HERC2: variants seen among roughly 807,000 people sequenced by gnomAD.
HERC2 encodes E3 ubiquitin-protein ligase HERC2.
In HERC2, 102 loss-of-function variants were observed where a neutral mutation model predicts 537.7. That is an observed-to-expected ratio of 0.19 (90% CI 0.16 to 0.22). HERC2 has a LOEUF of 0.22. Among genes scored for constraint, HERC2 ranks in the 10% least tolerant of loss-of-function variants. The pLI, the probability that HERC2 is intolerant of heterozygous loss-of-function variation, is 1.00. For missense variants in HERC2, 4,236 were observed against 6,198.2 expected (o/e 0.68, Z 10.63); for synonymous variants, 2,224 against 2,466.2 (o/e 0.90, Z 2.91).
rs531068689 is a variant in HERC2 at position 28,137,124 on chromosome 15, A to AG, written c.12016-1433_12016-1432insC. 3.5e-3 allele frequency among the ~76,000 whole-genome samples: 531 copies of AG among 152,256 alleles called. 2 individuals are homozygous for AG. The highest frequency in any genetic ancestry group is 0.012 in the African/African-American group (504 of 41,574). On this transcript the variant is annotated intron_variant, in intron 78 of 92. Coordinates refer to ENST00000261609, the MANE Select transcript of HERC2 (RefSeq NM_004667.6). ...AGGGGTCACTGATTGGGAGGAGGGG[A>AG]AAATACTAATTAACTTTAGGTTTTT...
chr15:28,229,154 A>C, intron 34 of HERC2, 41 bp downstream of exon 34: 1 of 1,532,362 alleles, frequency 6.5e-7, no homozygotes, highest in South Asian at 1.1e-5. Context: ...ATATAATTAA[A>C]GGCAAACTAT....
chr15:28,238,722 T>C lies in HERC2; in HGVS notation c.3628A>G (p.Ile1210Val), dbSNP rs1005799570. ...NCRNNEEVTL[I>V]RKADLENHNK... ...TGGTTCTCCAAATCAGCTTTGCGTA[T>C]AAGTGTCACTTCCTCATTATTTCTA... The change falls in exon 24 of 93, where the codon ATA (isoleucine) becomes GTA (valine). Residue 1210 changes from isoleucine (I) to valine (V), a missense_variant. By Grantham distance (29) the Ile-to-Val change is conservative. Coordinates refer to ENST00000261609, the MANE Select transcript of HERC2 (RefSeq NM_004667.6). The C allele has an allele frequency of 3.0e-5, 49 of 1,611,420 alleles. No individual in the cohort carries two copies. The highest frequency in any genetic ancestry group is 5.3e-5 in the African/African-American group (4 of 74,854).
chr15:28,231,814 A>C (rs1342351341), intron 30 of HERC2, among the ~76,000 whole-genome samples: 5 of 150,998 alleles, frequency 3.3e-5, no homozygotes, highest in Admixed American at 6.6e-5. Flanking sequence ...TTAATCACTT[A>C]ATCTTTTCAA....
At chr15:28,186,551 G>T (rs1178028924) in intron 56 of HERC2, 26 bp downstream of exon 56, 2 of 1,596,348 alleles carry the variant, frequency 1.3e-6, no homozygotes, top group East Asian at 4.5e-5. Context: ...GGAGGTAAGT[G>T]AGCACCTGTA....
chr15:28,170,570 T>C (rs143198833), intron 65 of HERC2, among the ~76,000 whole-genome samples: 64 of 152,206 alleles, frequency 4.2e-4, no homozygotes, highest in African/African-American at 5.5e-4. Context: ...TAGAGAAAAA[T>C]AGGAGACAGT....
At chr15:28,194,626 C>A (rs1273156343) in intron 52 of HERC2, among the ~76,000 whole-genome samples, 2 of 151,760 alleles carry the variant, frequency 1.3e-5, no homozygotes, top group Non-Finnish European at 2.9e-5. Context: ...CTGTGCCTGG[C>A]CGATCCTTTG....
chr15:28,196,421 T>G (rs1371225381), intron 51 of HERC2, 40 bp downstream of exon 51: 6 of 1,565,570 alleles, frequency 3.8e-6, no homozygotes, highest in Non-Finnish European at 5.3e-6. Context: ...AGAAAACCAT[T>G]CGTCCCAAAG....
chr15:28,114,341 CAG>C (rs1887988831), intron 90 of HERC2, among the ~76,000 whole-genome samples: 1 of 152,214 alleles, frequency 6.6e-6, no homozygotes, highest in African/African-American at 2.4e-5. Flanking sequence ...AGAAAGCACA[CAG>C]GGGCAAAAAC....
intron 10 of HERC2, among the ~76,000 whole-genome samples, chr15:28,270,240 T>C (rs1402871094): frequency 6.7e-6 from 1 of 149,982 alleles, no homozygotes; most frequent in African/African-American, 2.5e-5. Flanking sequence ...TCTTTTTATT[T>C]ATTTATAGAT....
intron 35 of HERC2, among the ~76,000 whole-genome samples, chr15:28,225,875 A>C (rs1338943049): frequency 6.6e-6 from 1 of 152,188 alleles, no homozygotes; most frequent in Non-Finnish European, 1.5e-5. Flanking sequence ...TAAAAACATA[A>C]ATTACCCGAA....
chr15:28,154,996 A>G (rs1401302537), intron 69 of HERC2, among the ~76,000 whole-genome samples: 7 of 142,232 alleles, frequency 4.9e-5, no homozygotes, highest in South Asian at 4.5e-4. Flanking sequence ...ATTCCCACCT[A>G]TAAGTGAGAA....
rs753695406 is a variant in HERC2 at position 28,265,980 on chromosome 15, G to C, written c.1599-6C>G. 11 of 1,613,456 alleles carry C rather than the reference G, an allele frequency of 6.8e-6. No homozygotes were observed. The highest frequency in any genetic ancestry group is 1.1e-5 in the South Asian group (1 of 91,008). ...CCTTAGGCTCCTCCAAAGGCCTTGG[G>C]GAGAAAGGGAACAAACATGAATGCC... On this transcript the variant is annotated splice_polypyrimidine_tract_variant and splice_region_variant and intron_variant, in intron 12 of 92. Coordinates refer to ENST00000261609, the MANE Select transcript of HERC2 (RefSeq NM_004667.6). This position sits in a 1 kb window ranked among gnomAD's most constrained non-coding sequence, Gnocchi z 4.0.
At chr15:28,160,528 G>A (rs961802552) in intron 69 of HERC2, among the ~76,000 whole-genome samples, 16 of 152,192 alleles carry the variant, frequency 1.1e-4, no homozygotes, top group African/African-American at 2.7e-4. Flanking sequence ...GGGACCCTCC[G>A]AGCCAGGCGC....
rs371607163 is a variant in HERC2 at position 28,202,366 on chromosome 15, C to T, written c.7461G>A (p.Gly2487=). The change falls in exon 46 of 93, where the codon GGG becomes GGA. Residue 2487 remains glycine (G), a synonymous_variant. Transcript: ENST00000261609. ...AAGTACCAGGCAAGCTGGATGCATT[C>T]CCGGAAGCACCAGTGAGAGACTTCA... ...FALKSLTGAS[G]NASSLPGVEA... is the part of the protein sequence containing the mutation. 3 of 1,613,856 alleles carry T rather than the reference C, an allele frequency of 1.9e-6. No individual in the cohort carries two copies. Among genetic ancestry groups the T allele is most frequent in the Non-Finnish European group, 2.5e-6 (3 of 1,179,828 alleles).
Position 28,122,665 on chromosome 15 carries a change from C to T in HERC2, c.13189-1236G>A, listed in dbSNP as rs888214029. On this transcript the variant is annotated intron_variant, in intron 85 of 92. Transcript: ENST00000261609. This position sits in a 1 kb window ranked among gnomAD's most constrained non-coding sequence, Gnocchi z 4.1. ...GAGAGTCCATTTTGGTGCTCTGGACCGGGAGTAGTAACACCCACTCTCTGA... is the reference window on the plus strand; with the variant it reads ...GAGAGTCCATTTTGGTGCTCTGGACTGGGAGTAGTAACACCCACTCTCTGA... Among the ~76,000 whole-genome samples the T allele has an allele frequency of 3.9e-5, 6 of 152,110 alleles. No homozygotes were observed. Among genetic ancestry groups the T allele is most frequent in the African/African-American group, 1.2e-4 (5 of 41,412 alleles).
At chr15:28,154,773 T>A (rs546330277) in intron 69 of HERC2, among the ~76,000 whole-genome samples, 208 of 152,240 alleles carry the variant, frequency 1.4e-3, no homozygotes, top group African/African-American at 3.9e-3. Flanking sequence ...ATATATATAT[T>A]TTTTTATTAT....
chr15:28,197,350 T>C (rs183875178), intron 50 of HERC2, among the ~76,000 whole-genome samples: 4 of 152,374 alleles, frequency 2.6e-5, no homozygotes, highest in Non-Finnish European at 1.5e-5. Flanking sequence ...CGGATTTGAT[T>C]TGGAATCTCA....
intron 10 of HERC2, among the ~76,000 whole-genome samples, 154 bp downstream of exon 10, chr15:28,270,541 G>C: frequency 6.6e-6 from 1 of 152,056 alleles, no homozygotes; most frequent in Non-Finnish European, 1.5e-5. Flanking sequence ...TCTCAACACG[G>C]ATAACACCTT....
chr15:28,200,598 T>G (rs1271090108), intron 48 of HERC2, among the ~76,000 whole-genome samples: 1 of 152,188 alleles, frequency 6.6e-6, no homozygotes, highest in Non-Finnish European at 1.5e-5. Context: ...TAGCTTGGAA[T>G]AGACGTCAAA....
Sources: gnomAD v4.1 joint callset for allele counts (sites outside exome capture counted in the v4.1 genomes callset) on GRCh38, gnomAD v4.1.1 for gene constraint, Gnocchi (gnomAD v3.1) non-coding constraint, MANE v1.5 for transcripts, NCBI Gene and HGNC (gene_info 2026-07-23, HGNC 2026-07-21) for gene names.